The following JAKMIP3 variants were observed in gnomAD, a reference collection of about 807,000 sequenced individuals.
JAKMIP3 encodes the protein Janus kinase and microtubule interacting protein 3.
JAKMIP3 carries 58 observed loss-of-function variants against 118.5 expected under a neutral mutation model. That is an observed-to-expected ratio of 0.49 (90% confidence interval 0.40 to 0.61). JAKMIP3 has a LOEUF of 0.61. Among genes scored for constraint, JAKMIP3 ranks in the 20% least tolerant of loss-of-function variants. The pLI is 0.00. For missense variants in JAKMIP3, 950 were observed against 1,109.0 expected, an observed-to-expected ratio of 0.86 and a Z score of 2.04; for synonymous variants, 486 against 451.2, an observed-to-expected ratio of 1.08 and a Z score of -0.98.
upstream of JAKMIP3, among the ~76,000 whole-genome samples, chr10:132,036,445 C>T (rs115852171): frequency 0.021 from 3,248 of 152,270 alleles, 115 homozygotes; most frequent in African/African-American, 0.073. Context: ...CGGTGCCCGG[C>T]TCCCTACGCG....
At chr10:132,159,851 C>T (rs1246253123) in intron 19 of JAKMIP3, among the ~76,000 whole-genome samples, 437 of 40,208 alleles carry the variant, frequency 0.011, 1 homozygote, top group East Asian at 0.016. Flanking sequence ...TGCTGGGGGG[C>T]CTCTCCCTGT....
chr10:132,061,519 G>A (rs1327064666), upstream of JAKMIP3, among the ~76,000 whole-genome samples: 2 of 152,134 alleles, frequency 1.3e-5, no homozygotes, highest in African/African-American at 4.8e-5. Context: ...AGTTTTTATT[G>A]AGCTTGGCAA....
chr10:132,137,572 G>A (rs527411575), intron 8 of JAKMIP3, among the ~76,000 whole-genome samples: 5 of 152,282 alleles, frequency 3.3e-5, no homozygotes, highest in Middle Eastern at 3.4e-3. Context: ...AGGGTCAGAC[G>A]GCTGCCCTTC....
chr10:132,111,198 C>G (rs952194247), intron 2 of JAKMIP3, among the ~76,000 whole-genome samples: 20 of 152,242 alleles, frequency 1.3e-4, no homozygotes, highest in African/African-American at 4.8e-4. Context: ...CCTGCCCCCA[C>G]AGGAAACATG....
At chr10:132,180,746 CGCGCGCGT>C (rs1315225323) in intron 23 of JAKMIP3, among the ~76,000 whole-genome samples, 695 of 10,746 alleles carry the variant, frequency 0.065, 291 homozygotes, top group African/African-American at 0.19. Context: ...TGCGTGCGTG[CGCGCGCGT>C]GTGTGCGTGT....
intron 19 of JAKMIP3, among the ~76,000 whole-genome samples, chr10:132,162,102 G>GT (rs1241532742): frequency 8.2e-6 from 1 of 121,536 alleles, no homozygotes; most frequent in African/African-American, 2.5e-5. Context: ...GAGCACCGAG[G>GT]TTTTTTTCTG....
rs1644128450 is a variant in JAKMIP3 at position 132,159,544 on chromosome 10, CTCTCCCTGTGTGATGCTGGGGGGGCGTG to C, written c.2221-3642_2221-3615del. Among the ~76,000 whole-genome samples the C allele has an allele frequency of 1.7e-4, 19 of 114,562 alleles. No individual in the cohort carries two copies. The South Asian group carries it at 2.1e-3, about 13-fold the overall frequency. The allele number at this position is 114,562 out of a possible 152,430, so 75.2% of individuals were successfully genotyped here. A position where few individuals can be genotyped will look rare whatever the true frequency, so the allele number is the denominator to read the frequency against. On this transcript the variant is annotated intron_variant, in intron 19 of 23. Coordinates refer to ENST00000684848, the MANE Select transcript of JAKMIP3 (RefSeq NM_001323087.2). Reference sequence around the variant, plus strand: ...TCTTCCTGTGTGATGCTGGGAGGGTCTCTCCCTGTGTGATGCTGGGGGGGCGTGTCTCCCTGTGTGATGCTGGGGGCAT... The same window carrying C: ...TCTTCCTGTGTGATGCTGGGAGGGTCTCTCCCTGTGTGATGCTGGGGGCAT...
At chr10:132,036,917 C>G (rs1350265706) in intron 1 of JAKMIP3, among the ~76,000 whole-genome samples, 3 of 152,032 alleles carry the variant, frequency 2.0e-5, no homozygotes, top group Non-Finnish European at 2.9e-5. Context: ...CCTTGCCTCT[C>G]CCGGCGGTCC....
Position 132,086,843 on chromosome 10 carries a change from T to C in JAKMIP3, c.-137-17829T>C, listed in dbSNP as rs113680088. Among the ~76,000 whole-genome samples, 631 of 152,344 alleles carry C rather than the reference T, an allele frequency of 4.1e-3. 3 individuals are homozygous for C. Among genetic ancestry groups the C allele is most frequent in the African/African-American group, 0.015 (603 of 41,580 alleles). On this transcript the variant is annotated intron_variant, in intron 1 of 23. Transcript: ENST00000684848. ...TTCTGTATCTTTTAAGTGGAGGCTT[T>C]AGGCCATTTACATTCAACATTAGTA... is the stretch of plus-strand genomic sequence containing the variant.
chr10:132,099,118 C>T (rs116587859), intron 1 of JAKMIP3, among the ~76,000 whole-genome samples: 1,679 of 152,224 alleles, frequency 0.011, 32 homozygotes, highest in African/African-American at 0.037. Flanking sequence ...ATTGACTTCT[C>T]GGTGTCCTCT....
chr10:132,040,747 C>T (rs1199749958), intron 1 of JAKMIP3, among the ~76,000 whole-genome samples: 1 of 151,350 alleles, frequency 6.6e-6, no homozygotes, highest in Non-Finnish European at 1.5e-5. Context: ...GTGTCAATGA[C>T]CCTTGGTGGT....
intron 1 of JAKMIP3, among the ~76,000 whole-genome samples, chr10:132,042,215 C>CTTCCTTCCTTCCTTCCTTCCTTCCTTCT (rs1564848132): frequency 6.8e-6 from 1 of 147,188 alleles, no homozygotes; most frequent in African/African-American, 2.7e-5. Context: ...TCCTTCCTTC[C>CTTCCTTCCTTCCTTCCTTCCTTCCTTCT]TTCTTTCCTC....
At chr10:132,125,953 T>G (rs2049457922) in intron 3 of JAKMIP3, among the ~76,000 whole-genome samples, 1 of 152,192 alleles carries the variant, frequency 6.6e-6, no homozygotes, top group Non-Finnish European at 1.5e-5. Context: ...TTTTGAGAGA[T>G]AAGTTCTCAT....
chr10:132,162,188 CTT>C (rs965556535), intron 19 of JAKMIP3, among the ~76,000 whole-genome samples: 1 of 152,192 alleles, frequency 6.6e-6, no homozygotes, highest in African/African-American at 2.4e-5. Flanking sequence ...AGTGGTGGCT[CTT>C]TATGGCAGGG....
In JAKMIP3 at chr10:132,180,542, T is replaced by TGTGTGTGTGTGTGC. The variant is rs1392970396; in HGVS notation, c.*1104-1812_*1104-1811insTGTGTGTGTGCGTG. On this transcript the variant is annotated intron_variant, in intron 23 of 23. Transcript: ENST00000684848. ...GCAGAACTGTGTGTGTGTGTGTGTG[T>TGTGTGTGTGTGTGC]GTGCGTGCGTGCATGCGTGTGTGTG... 1.3e-4 allele frequency among the ~76,000 whole-genome samples: 4 copies of TGTGTGTGTGTGTGC among 31,794 alleles called. 2 individuals carry two copies. Among genetic ancestry groups the TGTGTGTGTGTGTGC allele is most frequent in the African/African-American group, 9.3e-4 (4 of 4,316 alleles). 20.9% of individuals were successfully genotyped at this position (31,794 alleles called of 152,430 possible). A position where few individuals can be genotyped will look rare whatever the true frequency, so the allele number is the denominator to read the frequency against.
At chr10:132,103,459 G>T (rs1446255236) in intron 1 of JAKMIP3, among the ~76,000 whole-genome samples, 1 of 111,484 alleles carries the variant, frequency 9.0e-6, no homozygotes, top group South Asian at 2.8e-4. Flanking sequence ...GCAGCTGGGG[G>T]GGGGAGGAGC....
chr10:132,105,935 C>T (rs1402924886), intron 2 of JAKMIP3, among the ~76,000 whole-genome samples: 2 of 152,148 alleles, frequency 1.3e-5, no homozygotes, highest in African/African-American at 4.8e-5. Flanking sequence ...GGGGTGGTTG[C>T]TTAACCTCTG....
At chr10:132,141,031 C>G (rs1006664967) in intron 10 of JAKMIP3, among the ~76,000 whole-genome samples, 1 of 152,210 alleles carries the variant, frequency 6.6e-6, no homozygotes, top group Non-Finnish European at 1.5e-5. Context: ...ACAGGTGTGT[C>G]TGCCCACCAG....
In JAKMIP3 at chr10:132,039,929, T is replaced by A. The variant is rs188496031; in HGVS notation, c.-138+3191T>A. Among the ~76,000 whole-genome samples, 94 of 152,360 alleles carry A rather than the reference T, an allele frequency of 6.2e-4. 1 individual carries two copies. The highest frequency in any genetic ancestry group is 2.2e-3 in the African/African-American group (91 of 41,584). Reference sequence around the variant, plus strand: ...CATGACACTAAGCACTTGGGTTCCTTCACAAGCTCGTGCTTCTTTGTTTTG... The same window carrying A: ...CATGACACTAAGCACTTGGGTTCCTACACAAGCTCGTGCTTCTTTGTTTTG... On this transcript the variant is annotated intron_variant, in intron 1 of 23. Coordinates refer to the JAKMIP3 transcript ENST00000657785.
Sources: allele counts gnomAD v4.1 joint callset (sites outside exome capture counted in the v4.1 genomes callset), GRCh38; gene constraint gnomAD v4.1.1; transcripts MANE v1.5; gene names NCBI Gene and HGNC (gene_info 2026-07-23, HGNC 2026-07-21).